ZNF543: variants seen among roughly 807,000 people sequenced by gnomAD.
ZNF543 encodes zinc finger protein 543.
In ZNF543, 10 loss-of-function variants were observed where a neutral mutation model predicts 13.4. The observed-to-expected ratio is 0.75, with a 90% CI of 0.46 to 1.26. The LOEUF (loss-of-function observed/expected upper bound fraction) is 1.26. Ranked by LOEUF, ZNF543 falls within the 50% of genes most tolerant of loss-of-function variation. The pLI is 0.00. For missense variants in ZNF543, 768 were observed against 741.2 expected (o/e 1.04, Z -0.42); for synonymous variants, 272 against 264.7 (o/e 1.03, Z -0.27).
intron 1 of ZNF543, 140 bp downstream of exon 1, chr19:57,321,011 C>G (rs773076595): frequency 1.7e-5 from 21 of 1,200,960 alleles, no homozygotes; most frequent in African/African-American, 4.5e-5. Flanking sequence ...TTGTCATTTC[C>G]TTTATCCGCA....
In ZNF543 at chr19:57,327,897, G is replaced by A. The variant is rs1314156628; in HGVS notation, c.435G>A (p.Lys145=). The A allele has an allele frequency of 6.2e-7, 1 of 1,614,196 alleles. No homozygotes were observed. The highest frequency in any genetic ancestry group is 1.7e-5 in the Admixed American group (1 of 60,022). Residue 145 remains lysine, a synonymous_variant, in exon 4 of 4, where the codon AAG becomes AAA. Transcript: ENST00000321545. The stretch of plus-strand genomic sequence containing the variant: ...TAGGGATAGGCCCCCAGCGGGGGAA[G>A]CTGCTGGAGAAAATGAGTTCTGAAC... ...LKIGIGPQRG[K]LLEKMSSERD...
At chr19:57,323,295 C>T (rs1005862489) in intron 1 of ZNF543, among the ~76,000 whole-genome samples, 2 of 151,862 alleles carry the variant, frequency 1.3e-5, no homozygotes, top group Admixed American at 6.6e-5. Flanking sequence ...GGGTTCACGC[C>T]ATTCTCCTGC....
At chr19:57,325,375 C>T (rs2088114672) in intron 2 of ZNF543, among the ~76,000 whole-genome samples, 2 of 152,152 alleles carry the variant, frequency 1.3e-5, no homozygotes, top group South Asian at 4.1e-4. Flanking sequence ...TTAACTTCTC[C>T]ATAGAGTACT....
In ZNF543 at chr19:57,322,783, C is replaced by T. The variant is rs142428481; in HGVS notation, c.19-899C>T. On this transcript the variant is annotated intron_variant, in intron 1 of 3. Transcript: ENST00000321545. Reference sequence around the variant, plus strand: ...CAGTGTTTCCTTTACAGCTTTTCTTCAGATCTTTTGACTATTCTTGGTGAA... The same window carrying T: ...CAGTGTTTCCTTTACAGCTTTTCTTTAGATCTTTTGACTATTCTTGGTGAA... Among the ~76,000 whole-genome samples the T allele has an allele frequency of 1.3e-3, 199 of 152,226 alleles. 1 individual carries two copies. The highest frequency in any genetic ancestry group is 4.5e-3 in the African/African-American group (186 of 41,520).
intron 2 of ZNF543, 144 bp downstream of exon 2, chr19:57,323,952 G>A (rs2088105828): frequency 1.0e-6 from 1 of 992,482 alleles, no homozygotes; most frequent in Non-Finnish European, 1.5e-6. Context: ...GCACTTGGGA[G>A]ACCAGGGTCT....
In ZNF543 at chr19:57,328,698, G is replaced by A; in HGVS notation, c.1236G>A (p.Gln412=). ...KAFNRRSHLK[Q]HQRIHTGEKP... is the part of the protein sequence containing the mutation. ...TCAACCGTAGGTCACACCTCAAGCA[G>A]CATCAACGGATTCACACTGGGGAGA... The change falls in exon 4 of 4, where the codon CAG becomes CAA. Residue 412 remains glutamine, a synonymous_variant. Coordinates refer to ENST00000321545, the MANE Select transcript of ZNF543 (RefSeq NM_213598.4). The A allele has an allele frequency of 1.2e-6, 2 of 1,613,310 alleles. No individual in the cohort carries two copies. The highest frequency in any genetic ancestry group is 1.7e-4 in the Middle Eastern group (1 of 6,058).
At chr19:57,326,771 C>CA (rs747005617) in intron 3 of ZNF543, 43 bp downstream of exon 3, 1 of 1,524,874 alleles carries the variant, frequency 6.6e-7, no homozygotes, top group Non-Finnish European at 9.1e-7. Flanking sequence ...TGGCAGCTTA[C>CA]ACATGGAAAA....
At chr19:57,325,236 T>G (rs2088113977) in intron 2 of ZNF543, among the ~76,000 whole-genome samples, 1 of 152,202 alleles carries the variant, frequency 6.6e-6, no homozygotes, top group Non-Finnish European at 1.5e-5. Context: ...AAGGAAGGTC[T>G]GATTCCCCTT....
In ZNF543 at chr19:57,329,514, A is replaced by ATT. The variant is rs11355141; in HGVS notation, c.*264_*265dup. The stretch of plus-strand genomic sequence containing the variant: ...TACAGTGAAATATTATCTCAGGGAT[A>ATT]TTTTTTTTTTTTTTTTGAGACGGAG... On this transcript the variant is annotated 3_prime_UTR_variant, in exon 4 of 4. Coordinates refer to ENST00000321545, the MANE Select transcript of ZNF543 (RefSeq NM_213598.4). 6.6e-4 allele frequency: 183 copies of ATT among 275,334 alleles called. No homozygotes were observed. Among genetic ancestry groups the ATT allele is most frequent in the Non-Finnish European group, 8.1e-4 (121 of 149,860 alleles). 17.1% of individuals were successfully genotyped at this position (275,334 alleles called of 1,614,324 possible).
Position 57,326,630 on chromosome 19 carries a change from C to G in ZNF543, c.146-3C>G. 6.2e-7 allele frequency: 1 copy of G among 1,612,948 alleles called. No individual in the cohort carries two copies. The highest frequency in any genetic ancestry group is 8.5e-7 in the Non-Finnish European group (1 of 1,179,004). ...TGTGTCCTCTTTTGTTCTCCATGCA[C>G]AGGCTGTCCTTTGTTCAAACCAGAG... On this transcript the variant is annotated splice_polypyrimidine_tract_variant and splice_region_variant and intron_variant, in intron 2 of 3. Coordinates refer to ENST00000321545, the MANE Select transcript of ZNF543 (RefSeq NM_213598.4).
chr19:57,325,706 C>T (rs1286553569), intron 2 of ZNF543, among the ~76,000 whole-genome samples: 2 of 152,164 alleles, frequency 1.3e-5, no homozygotes, highest in Non-Finnish European at 2.9e-5. Flanking sequence ...TGCATGACAC[C>T]ACACCCGGCT....
At position 57,328,256 on chromosome 19, in the gene ZNF543, AC is replaced by A; in HGVS notation, c.796del (p.Arg266AlafsTer99). Reference protein sequence around the residue: ...YKCMECGKAFNRRSHLTRHQR... With the variant: ...YKCMECGKAFXRRSHLTRHQR... ...TGCATGGAGTGTGGGAAGGCTTTTA[AC>A]CGCAGGTCACACCTCACACGGCACC... On this transcript the variant is annotated frameshift_variant, in exon 4 of 4. Transcript: ENST00000321545. LOFTEE classifies it low-confidence loss of function (END_TRUNC). 1 of 1,613,862 alleles carries A rather than the reference AC, an allele frequency of 6.2e-7. No individual in the cohort carries two copies. The highest frequency in any genetic ancestry group is 8.5e-7 in the Non-Finnish European group (1 of 1,179,922).
chr19:57,320,997 T>G, intron 1 of ZNF543, 126 bp downstream of exon 1: 12 of 1,294,308 alleles, frequency 9.3e-6, no homozygotes, highest in Non-Finnish European at 1.3e-5. Flanking sequence ...GAAGTGGCCG[T>G]AGCTTGTCAT....
Position 57,329,146 on chromosome 19 carries a change from C to G in ZNF543, c.1684C>G (p.Pro562Ala). The G allele has an allele frequency of 6.2e-6, 10 of 1,614,212 alleles. No individual in the cohort carries two copies. Among genetic ancestry groups the G allele is most frequent in the Non-Finnish European group, 8.5e-6 (10 of 1,180,036 alleles). ...HHQRIHTGRN[P>A]TIVTDVGRPF... The stretch of plus-strand genomic sequence containing the variant: ...TCAAAGGATTCATACTGGGAGAAAC[C>G]CTACCATTGTAACAGATGTGGGAAG... The change falls in exon 4 of 4, where the codon CCT becomes GCT. Residue 562 changes from proline (P) to alanine (A), a missense_variant. Transcript: ENST00000321545.
At chr19:57,322,430 A>C (rs2088095496) in intron 1 of ZNF543, among the ~76,000 whole-genome samples, 1 of 151,216 alleles carries the variant, frequency 6.6e-6, no homozygotes, top group Non-Finnish European at 1.5e-5. Context: ...AGGCTAAGGC[A>C]GGAGGATCAT....
intron 3 of ZNF543, 140 bp downstream of exon 3, chr19:57,326,868 C>A (rs1184478015): frequency 2.5e-5 from 11 of 444,312 alleles, no homozygotes; most frequent in South Asian, 6.6e-5. Context: ...TCCCCGCCCG[C>A]CCCCCCCCAC....
At chr19:57,324,290 G>T (rs976801952) in intron 2 of ZNF543, among the ~76,000 whole-genome samples, 1 of 150,038 alleles carries the variant, frequency 6.7e-6, no homozygotes, top group South Asian at 2.1e-4. Flanking sequence ...GGCGGAAGTT[G>T]CAGTGAGCTG....
Position 57,328,857 on chromosome 19 carries a change from C to A in ZNF543, c.1395C>A (p.Asp465Glu), listed in dbSNP as rs111317529. ...GAAAAGCCTTTAGTGATAGGGCAGA[C>A]CTCATTCGCCACTTCAGCATCCACA... Reference protein sequence around the residue: ...ECGKAFSDRADLIRHFSIHTG... With the variant: ...ECGKAFSDRAELIRHFSIHTG... Residue 465 changes from aspartate (D) to glutamate (E), a missense_variant, in exon 4 of 4, where the codon GAC becomes GAA. This residue lies in a region of ZNF543 where 677 missense variants were observed against 631.4 expected (regional missense o/e 1.07). Coordinates refer to ENST00000321545, the MANE Select transcript of ZNF543 (RefSeq NM_213598.4). The A allele has an allele frequency of 1.9e-6, 3 of 1,613,526 alleles. No homozygotes were observed. Among genetic ancestry groups the A allele is most frequent in the Non-Finnish European group, 2.5e-6 (3 of 1,179,872 alleles).
chr19:57,330,616 A>G lies in ZNF543; in HGVS notation c.*1351A>G, dbSNP rs1455449000. 6.6e-6 allele frequency: 1 copy of G among 152,168 alleles called. No individual in the cohort carries two copies. Among genetic ancestry groups the G allele is most frequent in the Non-Finnish European group, 1.5e-5 (1 of 68,024 alleles). The allele number at this position is 152,168 out of a possible 1,614,324, so 9.4% of individuals were successfully genotyped here. A position where few individuals can be genotyped will look rare whatever the true frequency, so the allele number is the denominator to read the frequency against. ...GGGATGTGTGACTTTCACAGTTGTCACCATGGACTTAGGCTTGATTAAAAT... is the reference window on the plus strand; with the variant it reads ...GGGATGTGTGACTTTCACAGTTGTCGCCATGGACTTAGGCTTGATTAAAAT... On this transcript the variant is annotated 3_prime_UTR_variant, in exon 4 of 4. Transcript: ENST00000321545.
Sources: allele counts gnomAD v4.1 joint callset (sites outside exome capture counted in the v4.1 genomes callset), GRCh38; gene constraint gnomAD v4.1.1; regional missense constraint gnomAD v4.1.1; transcripts MANE v1.5; gene names NCBI Gene and HGNC (gene_info 2026-07-23, HGNC 2026-07-21).